LYSET: variants seen among roughly 807,000 people sequenced by gnomAD.
LYSET encodes lysosomal enzyme trafficking factor.
the LYSET span, among the ~76,000 whole-genome samples, chr14:93,187,375 C>T: frequency 6.6e-6 from 1 of 152,094 alleles, no homozygotes; most frequent in African/African-American, 2.4e-5. Context: ...CCTCCTCTCT[C>T]TGGCTCCCTA....
At chr14:93,186,472 T>C in the LYSET span, 2 of 1,614,138 alleles carry the variant, frequency 1.2e-6, no homozygotes, top group African/African-American at 2.7e-5. Flanking sequence ...TTACTCTCCT[T>C]GCCTTTTTGG....
chr14:93,186,089 TCTATCAC>T, the LYSET span, among the ~76,000 whole-genome samples: 1 of 152,192 alleles, frequency 6.6e-6, no homozygotes, highest in African/African-American at 2.4e-5. Context: ...CAGGATGGTC[TCTATCAC>T]CTGACCTCGT....
chr14:93,185,497 G>A, the LYSET span: 1 of 1,607,242 alleles, frequency 6.2e-7, no homozygotes, highest in Non-Finnish European at 8.5e-7. Flanking sequence ...TAAGTGCTTA[G>A]GAGTTACTGT....
At chr14:93,187,352 G>A in the LYSET span, among the ~76,000 whole-genome samples, 1,315 of 152,124 alleles carry the variant, frequency 8.6e-3, 19 homozygotes, top group African/African-American at 0.03. Flanking sequence ...TCGAACTCCT[G>A]GGCTCAAGCT....
the LYSET span, chr14:93,185,269 C>T: frequency 1.3e-5 from 9 of 715,006 alleles, no homozygotes; most frequent in Admixed American, 1.7e-4. Flanking sequence ...GCGGCGGCGA[C>T]GGGGGCCGGG....
the LYSET span, chr14:93,186,742 A>C: frequency 6.8e-7 from 1 of 1,470,142 alleles, no homozygotes; most frequent in South Asian, 1.4e-5. Context: ...ACAAGACTGC[A>C]GTTTCTTCAC....
the LYSET span, among the ~76,000 whole-genome samples, chr14:93,186,029 C>T: frequency 5.3e-5 from 8 of 151,972 alleles, no homozygotes; most frequent in African/African-American, 1.9e-4. Context: ...CCACCACGCC[C>T]GGCTATTTTT....
the LYSET span, chr14:93,185,258 G>T: frequency 1.7e-6 from 1 of 600,742 alleles, no homozygotes; most frequent in Non-Finnish European, 2.7e-6. Context: ...GCGGGTCTCC[G>T]GCGGCGGCGA....
chr14:93,186,547 G>C, the LYSET span: 3 of 1,614,052 alleles, frequency 1.9e-6, no homozygotes, highest in African/African-American at 1.3e-5. Flanking sequence ...TCTTGTACAA[G>C]AGCTGATCCC....
chr14:93,186,351 T>C, the LYSET span: 1 of 1,614,244 alleles, frequency 6.2e-7, no homozygotes, highest in African/African-American at 1.3e-5. Flanking sequence ...AGCATTTTAC[T>C]ATGTTTTTGA....
the LYSET span, chr14:93,185,270 G>C: frequency 1.9e-5 from 14 of 722,260 alleles, no homozygotes; most frequent in East Asian, 3.1e-4. Context: ...CGGCGGCGAC[G>C]GGGGCCGGGC....
At chr14:93,185,497 G>C in the LYSET span, 2 of 1,607,124 alleles carry the variant, frequency 1.2e-6, no homozygotes, top group Non-Finnish European at 1.7e-6. Context: ...TAAGTGCTTA[G>C]GAGTTACTGT....
At chr14:93,185,277 G>A in the LYSET span, 3 of 827,576 alleles carry the variant, frequency 3.6e-6, no homozygotes, top group East Asian at 3.0e-5. Flanking sequence ...GACGGGGGCC[G>A]GGCCGCGCGT....
At chr14:93,185,560 C>G in the LYSET span, 1 of 1,224,492 alleles carries the variant, frequency 8.2e-7, no homozygotes, top group Non-Finnish European at 1.2e-6. Flanking sequence ...TGAAGCAGTA[C>G]TGTTATGCCA....
the LYSET span, among the ~76,000 whole-genome samples, chr14:93,187,933 A>G: frequency 5.9e-5 from 9 of 152,162 alleles, no homozygotes; most frequent in Admixed American, 2.0e-4. Flanking sequence ...GATTACAGGC[A>G]TGAGCCACCA....
the LYSET span, among the ~76,000 whole-genome samples, chr14:93,185,895 G>A: frequency 6.8e-6 from 1 of 146,838 alleles, no homozygotes; most frequent in Non-Finnish European, 1.5e-5. Context: ...ATTAGACAGA[G>A]TCTCGCTCTG....
At chr14:93,186,500 T>C in the LYSET span, 1 of 1,614,232 alleles carries the variant, frequency 6.2e-7, no homozygotes, top group South Asian at 1.1e-5. Context: ...CAGTTATTTT[T>C]CTGGTACCTT....
At chr14:93,185,515 TGGG>T in the LYSET span, 1 of 1,589,322 alleles carries the variant, frequency 6.3e-7, no homozygotes, top group Non-Finnish European at 8.6e-7. Context: ...TGTCTTAACT[TGGG>T]GGCTTGACTT....
chr14:93,188,138 T>C, the LYSET span, among the ~76,000 whole-genome samples: 1 of 152,026 alleles, frequency 6.6e-6, no homozygotes. Flanking sequence ...TTTGTATTTT[T>C]AGTAGAGACG....
Sources: gnomAD v4.1 joint callset for allele counts (sites outside exome capture counted in the v4.1 genomes callset) on GRCh38, gnomAD v4.1.1 for gene constraint, MANE v1.5 for transcripts, NCBI Gene and HGNC (gene_info 2026-07-23, HGNC 2026-07-21) for gene names.